BLTP3B: variants seen among roughly 807,000 people sequenced by gnomAD.
The protein encoded by BLTP3B is bridge-like lipid transfer protein family member 3B, also known as UHRF1 (ICBP90) binding protein 1-like.
At chr12:100,106,362 C>G in the BLTP3B span, among the ~76,000 whole-genome samples, 3 of 151,582 alleles carry the variant, frequency 2.0e-5, no homozygotes, top group Non-Finnish European at 4.4e-5. Context: ...ATCTAAGTGC[C>G]CATCAACCTA....
the BLTP3B span, chr12:100,103,804 G>T: frequency 7.5e-6 from 7 of 937,742 alleles, no homozygotes; most frequent in Middle Eastern, 3.1e-4. Flanking sequence ...AAACCTAACT[G>T]GTGAAAAATC....
the BLTP3B span, among the ~76,000 whole-genome samples, chr12:100,085,866 T>G: frequency 1.5e-5 from 2 of 133,690 alleles, no homozygotes; most frequent in Non-Finnish European, 3.4e-5. Flanking sequence ...TATTCTTAGC[T>G]TCATACTCTT....
At chr12:100,120,303 G>A in the BLTP3B span, among the ~76,000 whole-genome samples, 2 of 152,108 alleles carry the variant, frequency 1.3e-5, no homozygotes. Flanking sequence ...AACCTAGGAG[G>A]TGGAGGTTTC....
At chr12:100,135,281 C>CTTTTTTTTTTTTTTT in the BLTP3B span, among the ~76,000 whole-genome samples, 55 of 141,210 alleles carry the variant, frequency 3.9e-4, no homozygotes, top group African/African-American at 5.5e-4. Flanking sequence ...TTCTTTCTTT[C>CTTTTTTTTTTTTTTT]TTTTTTTTTT....
the BLTP3B span, among the ~76,000 whole-genome samples, chr12:100,124,936 T>TTTTATATATATA: frequency 1.8e-5 from 1 of 56,544 alleles, no homozygotes; most frequent in Non-Finnish European, 3.3e-5. Context: ...AAAAAAAATT[T>TTTTATATATATA]TATATATATA....
chr12:100,103,983 A>G, the BLTP3B span: 2 of 1,538,046 alleles, frequency 1.3e-6, no homozygotes, highest in East Asian at 2.3e-5. Flanking sequence ...TTTAAGATCA[A>G]TCATTAAGAA....
chr12:100,105,873 C>T, the BLTP3B span, among the ~76,000 whole-genome samples: 1 of 151,794 alleles, frequency 6.6e-6, no homozygotes, highest in Non-Finnish European at 1.5e-5. Flanking sequence ...AAAAAAAACA[C>T]GCCCATTAAA....
At chr12:100,052,080 T>G in the BLTP3B span, among the ~76,000 whole-genome samples, 3 of 151,882 alleles carry the variant, frequency 2.0e-5, 1 homozygote, top group South Asian at 6.3e-4. Flanking sequence ...TTTTTTTTTT[T>G]TTTAGATGGA....
At chr12:100,046,745 T>C in the BLTP3B span, among the ~76,000 whole-genome samples, 1 of 151,778 alleles carries the variant, frequency 6.6e-6, no homozygotes, top group Non-Finnish European at 1.5e-5. Flanking sequence ...AAAAAGGAAG[T>C]GTCACTATAA....
chr12:100,093,415 A>C, the BLTP3B span, among the ~76,000 whole-genome samples: 11 of 152,162 alleles, frequency 7.2e-5, no homozygotes, highest in African/African-American at 2.7e-4. Context: ...GATCTACTAT[A>C]AAAAAATTAC....
chr12:100,124,227 A>C, the BLTP3B span, among the ~76,000 whole-genome samples: 1 of 151,958 alleles, frequency 6.6e-6, no homozygotes, highest in Non-Finnish European at 1.5e-5. Flanking sequence ...TTAAGTGTGC[A>C]CTATGATAAC....
At chr12:100,127,435 A>G in the BLTP3B span, among the ~76,000 whole-genome samples, 1 of 152,252 alleles carries the variant, frequency 6.6e-6, no homozygotes, top group Admixed American at 6.5e-5. Context: ...CATTACTCTT[A>G]GGTAAGTATG....
the BLTP3B span, chr12:100,059,237 C>G: frequency 6.2e-7 from 1 of 1,613,914 alleles, no homozygotes; most frequent in Non-Finnish European, 8.5e-7. Flanking sequence ...TGTTTTTATT[C>G]AATTGGGGAG....
chr12:100,085,642 TC>T, the BLTP3B span, among the ~76,000 whole-genome samples: 2 of 152,176 alleles, frequency 1.3e-5, no homozygotes, highest in Non-Finnish European at 2.9e-5. Context: ...TTTTTAAATG[TC>T]CTGGAAAACT....
At chr12:100,046,081 T>A in the BLTP3B span, among the ~76,000 whole-genome samples, 1 of 152,298 alleles carries the variant, frequency 6.6e-6, no homozygotes, top group Admixed American at 6.5e-5. Flanking sequence ...GAACAACAGA[T>A]GCTGGAGAGG....
the BLTP3B span, among the ~76,000 whole-genome samples, chr12:100,139,002 C>T: frequency 2.5e-3 from 379 of 152,276 alleles, 1 homozygote; most frequent in Non-Finnish European, 4.3e-3. Context: ...GAAAACCCTC[C>T]CAAAATACAT....
chr12:100,115,633 G>A, the BLTP3B span, among the ~76,000 whole-genome samples: 2 of 152,030 alleles, frequency 1.3e-5, no homozygotes, highest in Admixed American at 6.6e-5. Context: ...AGCTAGGCAC[G>A]GTGGCACACG....
chr12:100,044,739 T>C, the BLTP3B span, among the ~76,000 whole-genome samples: 1 of 152,154 alleles, frequency 6.6e-6, no homozygotes, highest in Non-Finnish European at 1.5e-5. Flanking sequence ...GCATTGGAAG[T>C]TCTGGCCAGG....
At chr12:100,093,446 G>A in the BLTP3B span, among the ~76,000 whole-genome samples, 1 of 152,140 alleles carries the variant, frequency 6.6e-6, no homozygotes, top group African/African-American at 2.4e-5. Flanking sequence ...TCTAATAGCT[G>A]ACAATTATTT....
Sources: gnomAD v4.1 joint callset for allele counts (sites outside exome capture counted in the v4.1 genomes callset) on GRCh38, gnomAD v4.1.1 for gene constraint, MANE v1.5 for transcripts, NCBI Gene and HGNC (gene_info 2026-07-23, HGNC 2026-07-21) for gene names.